The following CAPZB variants were observed in gnomAD, a reference collection of about 807,000 sequenced individuals.
CAPZB encodes the protein capping actin protein of muscle Z-line subunit beta.
In CAPZB, 2 loss-of-function variants were observed where a neutral mutation model predicts 38.1. The observed-to-expected ratio is 0.05, with a 90% CI of 0.02 to 0.17. The LOEUF (loss-of-function observed/expected upper bound fraction) is 0.17. Ranked by LOEUF, CAPZB falls within the 10% of genes least tolerant of loss-of-function variation. CAPZB has a pLI of 1.00. For missense variants in CAPZB, 161 were observed against 334.2 expected, an observed-to-expected ratio of 0.48 and a Z score of 4.04; for synonymous variants, 107 against 127.4, an observed-to-expected ratio of 0.84 and a Z score of 1.08.
At chr1:19,460,194 G>A (rs1041266832) in intron 1 of CAPZB, among the ~76,000 whole-genome samples, 5 of 152,238 alleles carry the variant, frequency 3.3e-5, no homozygotes, top group African/African-American at 7.2e-5. Context: ...AAAAGTTACA[G>A]CCACAGTGTG....
chr1:19,411,232 A>T (rs78636336), intron 2 of CAPZB, among the ~76,000 whole-genome samples: 3,162 of 152,286 alleles, frequency 0.021, 211 homozygotes, highest in Admixed American at 0.12. Context: ...GATGAAAAAA[A>T]TTTTTTTCCA....
intron 6 of CAPZB, among the ~76,000 whole-genome samples, chr1:19,349,417 C>T (rs1160361151): frequency 2.0e-5 from 3 of 152,152 alleles, no homozygotes; most frequent in Admixed American, 6.5e-5. Context: ...AGATTCCCGG[C>T]CACCCTAGGG....
intron 2 of CAPZB, among the ~76,000 whole-genome samples, chr1:19,392,528 TAAA>T (rs58626568): frequency 0.056 from 7,198 of 129,370 alleles, 601 homozygotes; most frequent in African/African-American, 0.19. Context: ...TCTTAAGAAT[TAAA>T]AAAAAAAAAA....
intron 4 of CAPZB, among the ~76,000 whole-genome samples, chr1:19,364,895 G>C (rs1195044293): frequency 6.6e-6 from 1 of 151,050 alleles, no homozygotes; most frequent in Non-Finnish European, 1.5e-5. Flanking sequence ...TGCCCAGGTT[G>C]GAGTGCAATG....
At chr1:19,461,107 G>A (rs2094550379) in intron 1 of CAPZB, among the ~76,000 whole-genome samples, 1 of 137,136 alleles carries the variant, frequency 7.3e-6, no homozygotes, top group African/African-American at 2.6e-5. Flanking sequence ...GGGGGGGGGA[G>A]GGGCGGGTTC....
chr1:19,446,387 T>C (rs534046476), intron 1 of CAPZB, among the ~76,000 whole-genome samples: 74 of 152,204 alleles, frequency 4.9e-4, no homozygotes, highest in Non-Finnish European at 7.9e-4. Flanking sequence ...CAGTGAGCCA[T>C]GTAAGAAGTA....
At chr1:19,364,077 A>G (rs1230703129) in intron 4 of CAPZB, among the ~76,000 whole-genome samples, 4 of 152,244 alleles carry the variant, frequency 2.6e-5, no homozygotes, top group African/African-American at 9.6e-5. Flanking sequence ...CACAGGCAGC[A>G]GCCAAGTTAG....
At chr1:19,449,813 GAGAA>G (rs1326006263) in intron 1 of CAPZB, among the ~76,000 whole-genome samples, 16 of 150,268 alleles carry the variant, frequency 1.1e-4, no homozygotes, top group South Asian at 4.2e-4. Flanking sequence ...GAGAGACAGA[GAGAA>G]AGAAAGAAAG....
chr1:19,461,099 G>A (rs2094550273), intron 1 of CAPZB, among the ~76,000 whole-genome samples: 1 of 150,368 alleles, frequency 6.7e-6, no homozygotes, highest in African/African-American at 2.4e-5. Context: ...GCGGGGGCGG[G>A]GGGGGGAGGG....
intron 8 of CAPZB, among the ~76,000 whole-genome samples, chr1:19,340,669 A>G (rs1569845083): frequency 6.8e-6 from 1 of 146,462 alleles, no homozygotes; most frequent in African/African-American, 2.8e-5. Context: ...CCATCTCTAC[A>G]ACGACAACAA....
At chr1:19,468,339 G>A (rs1006831525) in intron 1 of CAPZB, among the ~76,000 whole-genome samples, 1 of 152,074 alleles carries the variant, frequency 6.6e-6, no homozygotes, top group Admixed American at 6.6e-5. Flanking sequence ...AGGTTACAAA[G>A]GGCTCCCTCC....
chr1:19,428,327 T>C (rs1558252759), intron 1 of CAPZB, among the ~76,000 whole-genome samples: 2 of 151,424 alleles, frequency 1.3e-5, no homozygotes, highest in African/African-American at 4.9e-5. Context: ...CACTTGAAAC[T>C]GGAAGGCGAA....
At chr1:19,418,433 C>T (rs888312880) in intron 2 of CAPZB, among the ~76,000 whole-genome samples, 2 of 152,180 alleles carry the variant, frequency 1.3e-5, no homozygotes, top group Admixed American at 1.3e-4. Context: ...TGTTACTACC[C>T]CCCTGAAATG....
At chr1:19,469,904 C>T (rs531118376) in intron 1 of CAPZB, among the ~76,000 whole-genome samples, 2 of 152,288 alleles carry the variant, frequency 1.3e-5, no homozygotes, top group South Asian at 2.1e-4. Context: ...CCAGGACAGA[C>T]GGACTACTGT....
intron 1 of CAPZB, among the ~76,000 whole-genome samples, chr1:19,423,541 T>TA (rs1491167897): frequency 3.2e-5 from 4 of 124,532 alleles, no homozygotes; most frequent in Non-Finnish European, 7.2e-5. Context: ...TTTTTTTTTT[T>TA]AAAGATAGGC....
At chr1:19,375,622 C>T (rs74769498) in intron 4 of CAPZB, among the ~76,000 whole-genome samples, 2,434 of 152,354 alleles carry the variant, frequency 0.016, 68 homozygotes, top group African/African-American at 0.055. Flanking sequence ...TCAACTCCCC[C>T]GAGTCAGTTT....
At chr1:19,463,111 C>T (rs1358120138) in intron 1 of CAPZB, among the ~76,000 whole-genome samples, 1 of 152,210 alleles carries the variant, frequency 6.6e-6, no homozygotes, top group East Asian at 1.9e-4. Context: ...GGAAAGACCT[C>T]GTTAGCCTTG....
chr1:19,427,446 A>G (rs778742822), intron 1 of CAPZB, among the ~76,000 whole-genome samples: 1 of 152,174 alleles, frequency 6.6e-6, no homozygotes, highest in Non-Finnish European at 1.5e-5. Context: ...AAATTTATGG[A>G]GTCTCACTTA....
rs552470390 is a variant in CAPZB at position 19,381,421 on chromosome 1, C to T, written c.216-2768G>A. ...GCCTGCCCTTGTCCCCAGTACCCAG[C>T]CCTGAGTTAGTGCCAAGCAGATGCT... On this transcript the variant is annotated intron_variant, in intron 3 of 8. Transcript: ENST00000264202. Among the ~76,000 whole-genome samples, 4 of 152,172 alleles carry T rather than the reference C, an allele frequency of 2.6e-5. No homozygotes were observed. The South Asian group carries it at 8.3e-4, about 32-fold the overall frequency.
Sources: gnomAD v4.1 joint callset for allele counts (sites outside exome capture counted in the v4.1 genomes callset) on GRCh38, gnomAD v4.1.1 for gene constraint, MANE v1.5 for transcripts, NCBI Gene and HGNC (gene_info 2026-07-23, HGNC 2026-07-21) for gene names.